Variants in GPC6 observed in about 807,000 individuals in gnomAD.
GPC6 encodes glypican-6.
In GPC6, 14 loss-of-function variants were observed where a neutral mutation model predicts 55.2. The ratio of observed to expected loss-of-function variants is 0.25; its 90% CI spans 0.17 to 0.40. The LOEUF is 0.40. Among genes scored for constraint, GPC6 ranks in the 10% least tolerant of loss-of-function variants. GPC6 has a pLI of 1.00. For synonymous variants in GPC6, 278 were observed against 259.6 expected (o/e 1.07, Z -0.68); for missense variants, 641 against 708.5 (o/e 0.90, Z 1.08).
chr13:93,231,347 A>ATATATATATATG (rs1566533278), intron 1 of GPC6, among the ~76,000 whole-genome samples: 3 of 29,610 alleles, frequency 1.0e-4, no homozygotes, highest in Admixed American at 4.7e-4. Flanking sequence ...ATATATATAC[A>ATATATATATATG]TATATATATA....
At chr13:93,887,728 A>G (rs1393433077) in intron 3 of GPC6, among the ~76,000 whole-genome samples, 1 of 152,166 alleles carries the variant, frequency 6.6e-6, no homozygotes, top group Non-Finnish European at 1.5e-5. Flanking sequence ...TATTGAATTT[A>G]TGAAGGATGA....
chr13:94,285,821 T>C (rs941226378), intron 4 of GPC6, among the ~76,000 whole-genome samples: 2 of 152,142 alleles, frequency 1.3e-5, no homozygotes, highest in Non-Finnish European at 2.9e-5. Flanking sequence ...CCAAAAGATG[T>C]TAAAGTGCAA....
chr13:93,333,991 T>G (rs1879953250), intron 1 of GPC6, among the ~76,000 whole-genome samples: 1 of 152,214 alleles, frequency 6.6e-6, no homozygotes, highest in African/African-American at 2.4e-5. Flanking sequence ...ATGTTTTTTG[T>G]GCATATAGAT....
rs146086133 is a variant in GPC6 at position 93,669,614 on chromosome 13, A to G, written c.319+124193A>G. On this transcript the variant is annotated intron_variant, in intron 2 of 8. Coordinates refer to ENST00000377047, the MANE Select transcript of GPC6 (RefSeq NM_005708.5). Reference sequence around the variant, plus strand: ...TGGGTGCAAGTGCCTGTGGATGGTAACAGTTGAGTTTTATTCATGCAGGAA... The same window carrying G: ...TGGGTGCAAGTGCCTGTGGATGGTAGCAGTTGAGTTTTATTCATGCAGGAA... Among the ~76,000 whole-genome samples the G allele has an allele frequency of 3.9e-3, 600 of 152,308 alleles. 4 individuals are homozygous for G. The highest frequency in any genetic ancestry group is 6.3e-3 in the Non-Finnish European group (426 of 68,032).
chr13:93,807,688 A>C (rs1231950530), intron 2 of GPC6, among the ~76,000 whole-genome samples: 1 of 152,208 alleles, frequency 6.6e-6, no homozygotes, highest in East Asian at 1.9e-4. Context: ...CTTGAAAAAC[A>C]CTCAATGCTT....
At chr13:93,302,128 A>G in intron 1 of GPC6, among the ~76,000 whole-genome samples, 1 of 152,190 alleles carries the variant, frequency 6.6e-6, no homozygotes, top group East Asian at 1.9e-4. Flanking sequence ...GTTTATGAGC[A>G]AGGATGGGAT....
At chr13:93,940,306 A>G (rs886807722) in intron 3 of GPC6, among the ~76,000 whole-genome samples, 2 of 152,094 alleles carry the variant, frequency 1.3e-5, no homozygotes, top group African/African-American at 4.8e-5. Context: ...AATTTTGTAA[A>G]GTTAGTAAAA....
chr13:94,037,145 G>A (rs1242801811), intron 4 of GPC6, among the ~76,000 whole-genome samples: 2 of 151,984 alleles, frequency 1.3e-5, no homozygotes, highest in East Asian at 1.9e-4. Flanking sequence ...AGCACTTGGA[G>A]GATGAGGATC....
chr13:93,745,718 G>A (rs1566514602), intron 2 of GPC6, among the ~76,000 whole-genome samples: 1 of 152,214 alleles, frequency 6.6e-6, no homozygotes, highest in South Asian at 2.1e-4. Flanking sequence ...ATATGCTAGT[G>A]TATTGTGTTG....
At chr13:93,232,439 G>C (rs569267507) in intron 1 of GPC6, among the ~76,000 whole-genome samples, 2 of 152,066 alleles carry the variant, frequency 1.3e-5, no homozygotes, top group African/African-American at 4.8e-5. Flanking sequence ...TATTAGAAGC[G>C]TCACTTGTTA....
chr13:94,028,595 T>G (rs1308436993), intron 4 of GPC6, among the ~76,000 whole-genome samples: 1 of 152,206 alleles, frequency 6.6e-6, no homozygotes, highest in African/African-American at 2.4e-5. Flanking sequence ...ATTCTTTCCT[T>G]GAACTCCTAG....
intron 6 of GPC6, among the ~76,000 whole-genome samples, chr13:94,343,539 G>A (rs1170590571): frequency 6.6e-6 from 1 of 152,032 alleles, no homozygotes; most frequent in Admixed American, 6.6e-5. Context: ...ACCAAAACTG[G>A]GAATAAGAAA....
chr13:93,812,104 C>A lies in GPC6; in HGVS notation c.320-18050C>A, dbSNP rs1049731619. On this transcript the variant is annotated intron_variant, in intron 2 of 8. Coordinates refer to ENST00000377047, the MANE Select transcript of GPC6 (RefSeq NM_005708.5). Reference sequence around the variant, plus strand: ...GAGATCTGGGCTGGGTACGTTGGCTCACGCCTGTAATCCCAGCACTTTGGG... The same window carrying A: ...GAGATCTGGGCTGGGTACGTTGGCTAACGCCTGTAATCCCAGCACTTTGGG... Among the ~76,000 whole-genome samples the A allele has an allele frequency of 8.6e-5, 12 of 139,460 alleles. 1 individual carries two copies. The highest frequency in any genetic ancestry group is 3.0e-4 in the African/African-American group (11 of 36,824). 91.5% of individuals were successfully genotyped at this position (139,460 alleles called of 152,430 possible).
chr13:93,742,004 G>A lies in GPC6; in HGVS notation c.320-88150G>A, dbSNP rs375709113. Among the ~76,000 whole-genome samples the A allele has an allele frequency of 2.0e-5, 3 of 152,314 alleles. No homozygotes were observed. In the East Asian group the frequency reaches 5.8e-4, roughly 29 times the overall value. Reference sequence around the variant, plus strand: ...AACTAAAAAAATGTAAATAACAAATGTAGAATTGTCTTGAGAGTTGCTTGA... The same window carrying A: ...AACTAAAAAAATGTAAATAACAAATATAGAATTGTCTTGAGAGTTGCTTGA... On this transcript the variant is annotated intron_variant, in intron 2 of 8. Coordinates refer to ENST00000377047, the MANE Select transcript of GPC6 (RefSeq NM_005708.5).
intron 2 of GPC6, among the ~76,000 whole-genome samples, chr13:93,604,030 A>G (rs1485901420): frequency 6.6e-6 from 1 of 152,260 alleles, no homozygotes; most frequent in East Asian, 1.9e-4. Context: ...CACTCTGTAT[A>G]GACAAACAAA....
At chr13:94,259,856 GAAT>G (rs1298994169) in intron 4 of GPC6, among the ~76,000 whole-genome samples, 3 of 152,070 alleles carry the variant, frequency 2.0e-5, no homozygotes, top group Admixed American at 6.5e-5. Flanking sequence ...TTTTATGGTT[GAAT>G]AATAATACTC....
chr13:93,386,413 T>C (rs541981298), intron 1 of GPC6, among the ~76,000 whole-genome samples: 180 of 152,298 alleles, frequency 1.2e-3, no homozygotes, highest in Non-Finnish European at 1.7e-3. Flanking sequence ...ATAAAATTTA[T>C]GGAAGAAGCA....
At chr13:94,134,741 T>C (rs773933811) in intron 4 of GPC6, among the ~76,000 whole-genome samples, 12 of 152,162 alleles carry the variant, frequency 7.9e-5, no homozygotes, top group Non-Finnish European at 1.5e-4. Context: ...GGAATCTATA[T>C]GCAGAATATC....
intron 1 of GPC6, among the ~76,000 whole-genome samples, chr13:93,495,777 C>G (rs1241716088): frequency 7.0e-6 from 1 of 142,168 alleles, no homozygotes; most frequent in Non-Finnish European, 1.5e-5. Context: ...GTTGGAATAC[C>G]CTGCCGTGTG....
Sources: gnomAD v4.1 joint callset for allele counts (sites outside exome capture counted in the v4.1 genomes callset) on GRCh38, gnomAD v4.1.1 for gene constraint, MANE v1.5 for transcripts, NCBI Gene and HGNC (gene_info 2026-07-23, HGNC 2026-07-21) for gene names.